ABI2: variants seen among roughly 807,000 people sequenced by gnomAD.
ABI2 encodes abl interactor 2.
In ABI2, 25 loss-of-function variants were observed where a neutral mutation model predicts 59.2. The observed-to-expected ratio is 0.42, with a 90% CI of 0.31 to 0.59. The LOEUF (loss-of-function observed/expected upper bound fraction) is 0.59, where lower values mean the gene tolerates loss of function less well. Among genes scored for constraint, ABI2 ranks in the 20% least tolerant of loss-of-function variants. The pLI is 0.14. For missense variants in ABI2, 545 were observed against 681.8 expected (o/e 0.80, Z 2.23); for synonymous variants, 213 against 235.5 (o/e 0.90, Z 0.87).
chr2:203,381,260 A>G (rs532762050), intron 3 of ABI2, among the ~76,000 whole-genome samples: 6 of 152,316 alleles, frequency 3.9e-5, no homozygotes, highest in Admixed American at 2.6e-4. Context: ...TGCAAGCACT[A>G]TTATCTGGAA....
intron 9 of ABI2, among the ~76,000 whole-genome samples, chr2:203,409,026 G>T (rs1191992699): frequency 6.7e-6 from 1 of 149,632 alleles, no homozygotes; most frequent in Non-Finnish European, 1.5e-5. Flanking sequence ...TCTTAGTAGA[G>T]ACGGGGTTTC....
chr2:203,395,896 A>G (rs1250480715), intron 7 of ABI2, 116 bp downstream of exon 7: 1 of 1,205,152 alleles, frequency 8.3e-7, no homozygotes, highest in Non-Finnish European at 1.1e-6. Context: ...AGGAATCATA[A>G]ATATTGGGAA....
At chr2:203,366,109 A>G (rs909159814) in intron 1 of ABI2, among the ~76,000 whole-genome samples, 4 of 152,112 alleles carry the variant, frequency 2.6e-5, no homozygotes, top group African/African-American at 9.7e-5. Flanking sequence ...TTTAAAATGG[A>G]AAAGAAGAAT....
chr2:203,352,392 A>G (rs2089318439), intron 1 of ABI2, among the ~76,000 whole-genome samples: 1 of 152,292 alleles, frequency 6.6e-6, no homozygotes, highest in Non-Finnish European at 1.5e-5. Context: ...CTTCAGGAGG[A>G]TTCCAGATGA....
At chr2:203,348,656 A>G (rs1054871126) in intron 1 of ABI2, among the ~76,000 whole-genome samples, 4 of 152,122 alleles carry the variant, frequency 2.6e-5, no homozygotes, top group African/African-American at 7.2e-5. Context: ...TTATTTTTTT[A>G]ATAGGCTTTA....
At chr2:203,423,477 G>A (rs537972997) in intron 11 of ABI2, among the ~76,000 whole-genome samples, 2 of 152,158 alleles carry the variant, frequency 1.3e-5, no homozygotes, top group East Asian at 3.9e-4. Context: ...TCAGGCTAGA[G>A]TGCAGTGGTG....
intron 3 of ABI2, among the ~76,000 whole-genome samples, chr2:203,381,128 A>G (rs528821228): frequency 6.6e-6 from 1 of 152,350 alleles, no homozygotes; most frequent in South Asian, 2.1e-4. Context: ...TAATATAAAC[A>G]TACTTAAAAA....
chr2:203,375,940 G>T, intron 2 of ABI2: 1 of 668,122 alleles, frequency 1.5e-6, no homozygotes, highest in South Asian at 2.2e-5. Context: ...AGGCAATACT[G>T]CAGTTCAACC....
At chr2:203,331,947 TTA>T (rs2073907205) in intron 1 of ABI2, among the ~76,000 whole-genome samples, 1 of 151,690 alleles carries the variant, frequency 6.6e-6, no homozygotes, top group Admixed American at 6.6e-5. Context: ...GTAGCTGGGA[TTA>T]CAGGCACGTG....
intron 4 of ABI2, among the ~76,000 whole-genome samples, chr2:203,389,632 T>C (rs1211066103): frequency 1.3e-5 from 2 of 152,234 alleles, no homozygotes; most frequent in African/African-American, 4.8e-5. Context: ...ATTTGACTAC[T>C]CTAGCCATAT....
intron 6 of ABI2, among the ~76,000 whole-genome samples, chr2:203,395,432 A>AATATAT (rs375911001): frequency 0.021 from 2,409 of 113,212 alleles, 72 homozygotes; most frequent in African/African-American, 0.051. Context: ...TTAATAAGTA[A>AATATAT]ATATATATAT....
At chr2:203,379,052 C>G (rs1462885686) in intron 2 of ABI2, among the ~76,000 whole-genome samples, 5 of 152,112 alleles carry the variant, frequency 3.3e-5, no homozygotes, top group African/African-American at 1.2e-4. Flanking sequence ...CTTTAGTGTA[C>G]TAATTACCTG....
rs769877930 is a variant in ABI2, at chr2:203,366,858, G to A, written c.118-19G>A. 2.0e-6 allele frequency: 3 copies of A among 1,527,412 alleles called. No homozygotes were observed. The highest frequency in any genetic ancestry group is 2.6e-5 in the South Asian group (2 of 76,902). The allele number at this position is 1,527,412 out of a possible 1,614,324, so 94.6% of individuals were successfully genotyped here. A position where few individuals can be genotyped will look rare whatever the true frequency, so the allele number is the denominator to read the frequency against. On this transcript the variant is annotated intron_variant, in intron 1 of 11. Coordinates refer to ENST00000261018, the MANE Select transcript of ABI2 (RefSeq NM_001375670.1). ...GGTTATTTTTGAATTAATGATCACT[G>A]GTTTGTTTTTTTTCCCAGTCAGCAG...
At chr2:203,382,566 A>T (rs987822419) in intron 4 of ABI2, among the ~76,000 whole-genome samples, 1 of 152,246 alleles carries the variant, frequency 6.6e-6, no homozygotes, top group Non-Finnish European at 1.5e-5. Flanking sequence ...CTGGATTTTT[A>T]TAAATATAGA....
In ABI2 at chr2:203,366,895, G is replaced by A; in HGVS notation, c.136G>A (p.Ala46Thr). The change falls in exon 2 of 12, where the codon GCC (alanine) becomes ACC (threonine). Residue 46 changes from alanine to threonine, a missense_variant. Around this residue, in one of 4 missense-constraint regions of ABI2, gnomAD observed 55 missense variants for 59.7 expected, o/e 0.92. Transcript: ENST00000261018. ...NYIQSADKQR[A>T]LEETKAYTTQ... ...TTCCCAGTCAGCAGATAAGCAGAGA[G>A]CCCTAGAAGAAACCAAAGCCTACAC... is the stretch of plus-strand genomic sequence containing the variant. 6.3e-7 allele frequency: 1 copy of A among 1,599,204 alleles called. No homozygotes were observed. Among genetic ancestry groups the A allele is most frequent in the Middle Eastern group, 1.7e-4 (1 of 5,994 alleles).
At chr2:203,338,372 G>A (rs907078831) in intron 1 of ABI2, among the ~76,000 whole-genome samples, 2 of 152,060 alleles carry the variant, frequency 1.3e-5, no homozygotes, top group African/African-American at 4.8e-5. Flanking sequence ...CAGTGTTGGA[G>A]GTGGGTCTTG....
chr2:203,328,874 G>A (rs2070446529), intron 1 of ABI2: 2 of 310,230 alleles, frequency 6.4e-6, no homozygotes, highest in Non-Finnish European at 1.2e-5. Flanking sequence ...GTCGCGTCCC[G>A]CCTCCTCGCC....
chr2:203,396,582 T>C (rs1468594686), intron 7 of ABI2, among the ~76,000 whole-genome samples: 1 of 152,184 alleles, frequency 6.6e-6, no homozygotes, highest in Non-Finnish European at 1.5e-5. Flanking sequence ...ATTGAAAAAA[T>C]CTGCACATTA....
chr2:203,410,228 A>G (rs1290903151), intron 9 of ABI2, among the ~76,000 whole-genome samples: 1 of 152,204 alleles, frequency 6.6e-6, no homozygotes, highest in Non-Finnish European at 1.5e-5. Flanking sequence ...GGTTAAGATT[A>G]TCATGTATTC....
Sources: allele counts gnomAD v4.1 joint callset (sites outside exome capture counted in the v4.1 genomes callset), GRCh38; gene constraint gnomAD v4.1.1; regional missense constraint gnomAD v4.1.1; transcripts MANE v1.5; gene names NCBI Gene and HGNC (gene_info 2026-07-23, HGNC 2026-07-21).